Variants in DOCK1 observed in about 807,000 individuals in gnomAD.
DOCK1 encodes dedicator of cytokinesis protein 1.
Under a neutral mutation model 262.7 loss-of-function variants are expected in DOCK1, and 138 were observed. The observed-to-expected ratio is 0.53, with a 90% CI of 0.46 to 0.61. The LOEUF is 0.61. Among genes scored for constraint, DOCK1 ranks in the 20% least tolerant of loss-of-function variants. DOCK1 has a pLI of 0.00. For synonymous variants in DOCK1, 866 were observed against 867.4 expected (o/e 1.00, Z 0.03); for missense variants, 1,908 against 2,370.7 (o/e 0.80, Z 4.05).
chr10:127,333,604 C>T (rs956561953), intron 29 of DOCK1, among the ~76,000 whole-genome samples: 19 of 152,210 alleles, frequency 1.2e-4, no homozygotes, highest in Admixed American at 1.0e-3. Flanking sequence ...CTGGAGCCCA[C>T]GCACTGCATC....
intron 38 of DOCK1, among the ~76,000 whole-genome samples, chr10:127,387,713 A>T (rs1224677270): frequency 6.6e-6 from 1 of 152,198 alleles, no homozygotes; most frequent in Non-Finnish European, 1.5e-5. Context: ...CACACAGCAC[A>T]TGCTCATTAC....
chr10:126,969,011 T>G (rs968369133), intron 1 of DOCK1, among the ~76,000 whole-genome samples: 3 of 152,240 alleles, frequency 2.0e-5, no homozygotes, highest in African/African-American at 7.2e-5. Flanking sequence ...GGCAATGTGC[T>G]TGCTTTGGCT....
chr10:127,005,381 A>G (rs2040937948), intron 10 of DOCK1, among the ~76,000 whole-genome samples: 1 of 152,100 alleles, frequency 6.6e-6, no homozygotes, highest in South Asian at 2.1e-4. Context: ...GAGAAGGTTG[A>G]TCAACATTTT....
intron 22 of DOCK1, among the ~76,000 whole-genome samples, chr10:127,054,367 G>C (rs1372011312): frequency 6.6e-6 from 1 of 152,242 alleles, no homozygotes; most frequent in South Asian, 2.1e-4. Flanking sequence ...CACAGTCCTC[G>C]TGCTGCCATT....
At chr10:127,257,084 A>G (rs11016979) in intron 28 of DOCK1, among the ~76,000 whole-genome samples, 50,548 of 152,070 alleles carry the variant, frequency 0.33, 9,678 homozygotes, top group South Asian at 0.57. Flanking sequence ...TTTACTCTTT[A>G]ACTATTAGAG....
intron 30 of DOCK1, among the ~76,000 whole-genome samples, chr10:127,343,420 G>A (rs2063509477): frequency 6.6e-6 from 1 of 152,176 alleles, no homozygotes; most frequent in Admixed American, 6.5e-5. Context: ...CTGAGTAAAT[G>A]GCAGACCCGG....
chr10:127,082,632 A>G (rs577473634), intron 23 of DOCK1, among the ~76,000 whole-genome samples: 1 of 152,066 alleles, frequency 6.6e-6, no homozygotes, highest in African/African-American at 2.4e-5. Flanking sequence ...GATGGGAGCT[A>G]CAATTAAAGA....
intron 33 of DOCK1, among the ~76,000 whole-genome samples, chr10:127,368,171 G>A (rs970030696): frequency 6.6e-6 from 1 of 152,202 alleles, no homozygotes; most frequent in African/African-American, 2.4e-5. Flanking sequence ...CCTTGGCAGA[G>A]CTTCATCACC....
chr10:127,391,485 C>T (rs1030593279), intron 38 of DOCK1, among the ~76,000 whole-genome samples: 3 of 152,160 alleles, frequency 2.0e-5, no homozygotes, highest in Admixed American at 6.5e-5. Flanking sequence ...TAGAATTATG[C>T]GCCTCGGTGA....
At chr10:127,380,158 T>G (rs760527435) in intron 36 of DOCK1, 36 bp downstream of exon 36, 2 of 1,365,820 alleles carry the variant, frequency 1.5e-6, no homozygotes, top group Non-Finnish European at 9.9e-7. Flanking sequence ...ATGTTAATTA[T>G]AAATAATAAT....
rs1201054825 is a variant in DOCK1, at chr10:127,447,402, C to T, written c.5422C>T (p.Leu1808=). The T allele has an allele frequency of 6.2e-7, 1 of 1,612,462 alleles. No homozygotes were observed. The highest frequency in any genetic ancestry group is 1.1e-5 in the South Asian group (1 of 90,638). Residue 1808 remains leucine (L), a synonymous_variant, in exon 51 of 52, where the codon CTG becomes TTG. Transcript: ENST00000623213. ...LSFSMQSSLE[L]NGMTGADVAD... ...AGATCCCGGTTTTCCAGGCTTGGAG[C>T]TGAACGGCATGACGGGGGCGGACGT...
At chr10:127,279,040 C>A (rs2060847801) in intron 29 of DOCK1, among the ~76,000 whole-genome samples, 1 of 152,232 alleles carries the variant, frequency 6.6e-6, no homozygotes, top group African/African-American at 2.4e-5. Context: ...GGTTAATTGA[C>A]AAATTCTGTT....
chr10:127,076,298 A>C (rs7914054), intron 23 of DOCK1, among the ~76,000 whole-genome samples: 2 of 152,280 alleles, frequency 1.3e-5, no homozygotes, highest in East Asian at 1.9e-4. Flanking sequence ...TCAGTAGATC[A>C]AGACCATCCT....
intron 29 of DOCK1, among the ~76,000 whole-genome samples, chr10:127,336,775 G>A (rs545027597): frequency 7.9e-4 from 121 of 152,204 alleles, no homozygotes; most frequent in Middle Eastern, 3.4e-3. Flanking sequence ...TCCTGACCTC[G>A]TGATTCACCC....
intron 27 of DOCK1, among the ~76,000 whole-genome samples, chr10:127,189,602 T>C (rs1380478724): frequency 6.6e-6 from 1 of 152,260 alleles, no homozygotes; most frequent in Non-Finnish European, 1.5e-5. Context: ...GTGAAGCCAC[T>C]GAGCTAACAA....
intron 37 of DOCK1, among the ~76,000 whole-genome samples, chr10:127,381,764 G>A (rs576441103): frequency 2.0e-5 from 3 of 152,342 alleles, no homozygotes; most frequent in Non-Finnish European, 2.9e-5. Context: ...AATTGTCTTA[G>A]TAAAGAGTTA....
intron 28 of DOCK1, among the ~76,000 whole-genome samples, chr10:127,257,014 T>TA (rs2059849375): frequency 6.6e-6 from 1 of 152,210 alleles, no homozygotes; most frequent in African/African-American, 2.4e-5. Flanking sequence ...CCTTGTTTGT[T>TA]AAAATCATGT....
intron 27 of DOCK1, among the ~76,000 whole-genome samples, chr10:127,201,085 G>T (rs1221730058): frequency 6.6e-6 from 1 of 152,224 alleles, no homozygotes; most frequent in African/African-American, 2.4e-5. Flanking sequence ...GACCTGTAGG[G>T]TCGAGATCAT....
intron 46 of DOCK1, among the ~76,000 whole-genome samples, chr10:127,424,586 G>C (rs957421025): frequency 6.6e-6 from 1 of 152,150 alleles, no homozygotes; most frequent in South Asian, 2.1e-4. Context: ...AAGTTGTCCC[G>C]GTCTGTCTGC....
Sources: gnomAD v4.1 joint callset for allele counts (sites outside exome capture counted in the v4.1 genomes callset) on GRCh38, gnomAD v4.1.1 for gene constraint, MANE v1.5 for transcripts, NCBI Gene and HGNC (gene_info 2026-07-23, HGNC 2026-07-21) for gene names.